The following ARHGAP27 variants were observed in gnomAD, a reference collection of about 807,000 sequenced individuals.
ARHGAP27 encodes rho GTPase-activating protein 27.
A neutral mutation model predicts 102.0 loss-of-function variants in ARHGAP27; 53 were observed. The ratio of observed to expected loss-of-function variants is 0.52; its 90% CI spans 0.42 to 0.65. The LOEUF (loss-of-function observed/expected upper bound fraction) is 0.65. ARHGAP27 is among the 30% of genes least tolerant of loss of function. The pLI is 0.00. For missense variants in ARHGAP27, 1,117 were observed against 1,256.2 expected, an observed-to-expected ratio of 0.89 and a Z score of 1.68; for synonymous variants, 525 against 542.8, an observed-to-expected ratio of 0.97 and a Z score of 0.46.
intron 4 of ARHGAP27, among the ~76,000 whole-genome samples, chr17:45,410,678 G>A (rs1025242793): frequency 2.3e-4 from 35 of 152,084 alleles, no homozygotes; most frequent in African/African-American, 7.7e-4. Context: ...GGGGAGGGGC[G>A]CGCTTGCACA....
intron 4 of ARHGAP27, among the ~76,000 whole-genome samples, chr17:45,428,302 C>T (rs148005021): frequency 1.0e-3 from 157 of 152,378 alleles, no homozygotes; most frequent in African/African-American, 3.4e-3. Flanking sequence ...CAAACCAGGA[C>T]TACCCAGACA....
intron 4 of ARHGAP27, among the ~76,000 whole-genome samples, chr17:45,421,894 A>T (rs2049067176): frequency 1.3e-5 from 2 of 152,236 alleles, no homozygotes; most frequent in Non-Finnish European, 2.9e-5. Context: ...GGCTGGGTGC[A>T]GTGCCTCATA....
chr17:45,410,398 G>C, intron 4 of ARHGAP27: 1 of 1,364,910 alleles, frequency 7.3e-7, no homozygotes, highest in Non-Finnish European at 9.4e-7. Context: ...AGAAGTTGCC[G>C]AGATGGCGGG....
Position 45,405,074 on chromosome 17 carries a change from C to T in ARHGAP27, c.1098G>A (p.Ser366=), listed in dbSNP as rs1159626898. Residue 366 remains serine, a synonymous_variant, in exon 6 of 20, where the codon TCG becomes TCA. Transcript: ENST00000685559. The part of the protein sequence containing the change: ...PPTPETDYPE[S]LTSYPEEDYS... ...AGTCCTCCTCGGGGTAACTGGTCAGCGACTCGGGGTAGTCCGTCTCGGGAG... is the reference window on the plus strand; with the variant it reads ...AGTCCTCCTCGGGGTAACTGGTCAGTGACTCGGGGTAGTCCGTCTCGGGAG... 1 of 1,602,012 alleles carries T rather than the reference C, an allele frequency of 6.2e-7. No individual in the cohort carries two copies. The highest frequency in any genetic ancestry group is 8.5e-7 in the Non-Finnish European group (1 of 1,172,954).
Position 45,396,245 on chromosome 17 carries a change from A to C in ARHGAP27, c.2213T>G (p.Leu738Arg), listed in dbSNP as rs1251058167. Residue 738 changes from leucine (L) to arginine (R), a missense_variant, in exon 17 of 20, where the codon CTG becomes CGG. Coordinates refer to ENST00000685559, the MANE Select transcript of ARHGAP27 (RefSeq NM_001282290.2). ...ATAGCGTAGCTTCTGGATGGTGGCC[A>C]GGTTTCCACTGATGCGGTACAGCCC... ...IDGLYRISGNLATIQKLRYKV... is the reference protein window; with the variant it reads ...IDGLYRISGNRATIQKLRYKV... 6.2e-7 allele frequency: 1 copy of C among 1,613,508 alleles called. No homozygotes were observed. Among genetic ancestry groups the C allele is most frequent in the African/African-American group, 1.3e-5 (1 of 74,912 alleles).
rs149231279 is a variant in ARHGAP27 at position 45,412,806 on chromosome 17, A to G, written c.658-6723T>C. 3.9e-4 allele frequency among the ~76,000 whole-genome samples: 59 copies of G among 152,196 alleles called. No individual in the cohort carries two copies. The East Asian group carries it at 0.011, about 27-fold the overall frequency. On this transcript the variant is annotated intron_variant, in intron 4 of 19. Coordinates refer to ENST00000685559, the MANE Select transcript of ARHGAP27 (RefSeq NM_001282290.2). ...GTGACCCCACAGGATCCTGGGCCTCAGGCCTCAGTAGGCTTTGGGGAACTG... is the reference window on the plus strand; with the variant it reads ...GTGACCCCACAGGATCCTGGGCCTCGGGCCTCAGTAGGCTTTGGGGAACTG...
chr17:45,422,492 G>A (rs979650439), intron 4 of ARHGAP27, among the ~76,000 whole-genome samples: 5 of 152,020 alleles, frequency 3.3e-5, no homozygotes, highest in African/African-American at 4.8e-5. Context: ...GGAAATAAAA[G>A]AATGCTAAGC....
At chr17:45,432,020 C>G (rs1213761143) in intron 2 of ARHGAP27, among the ~76,000 whole-genome samples, 196 bp downstream of exon 2, 1 of 148,374 alleles carries the variant, frequency 6.7e-6, no homozygotes, top group East Asian at 2.0e-4. Context: ...CCCCCCACCC[C>G]CCACCCCCCG....
intron 12 of ARHGAP27, among the ~76,000 whole-genome samples, chr17:45,400,548 G>A (rs2046318766): frequency 6.6e-6 from 1 of 152,192 alleles, no homozygotes; most frequent in Non-Finnish European, 1.5e-5. Context: ...GTCCATCAGT[G>A]ATGATCTTCA....
Position 45,395,737 on chromosome 17 carries a change from G to A in ARHGAP27, c.2492+7C>T, listed in dbSNP as rs2905455. ...CTCCCCCTTCCCGCGCGGGCCGCCC[G>A]GCTCACCGGCAGAGGTGCTGGAAGA... On this transcript the variant is annotated splice_region_variant and intron_variant, in intron 19 of 19. Transcript: ENST00000685559. 200 of 1,586,756 alleles carry A rather than the reference G, an allele frequency of 1.3e-4. 1 individual carries two copies. In the African/African-American group the frequency reaches 2.0e-3, roughly 16 times the overall value.
At chr17:45,397,232 A>C in intron 13 of ARHGAP27, 1 of 1,423,032 alleles carries the variant, frequency 7.0e-7, no homozygotes, top group Non-Finnish European at 9.2e-7. Context: ...TGGAGCCCTT[A>C]AGGTGCAGAG....
At chr17:45,406,328 C>A (rs1399849700) in intron 4 of ARHGAP27, among the ~76,000 whole-genome samples, 1 of 152,166 alleles carries the variant, frequency 6.6e-6, no homozygotes, top group Non-Finnish European at 1.5e-5. Flanking sequence ...TTAGAAGTGG[C>A]CTCTTCTTGA....
At chr17:45,421,294 C>T (rs1378104593) in intron 4 of ARHGAP27, among the ~76,000 whole-genome samples, 1 of 151,060 alleles carries the variant, frequency 6.6e-6, no homozygotes, top group Non-Finnish European at 1.5e-5. Context: ...GCCTGGGCAA[C>T]AAGGTGAAAC....
chr17:45,399,416 C>T (rs1184294329), intron 12 of ARHGAP27, among the ~76,000 whole-genome samples: 1 of 151,976 alleles, frequency 6.6e-6, no homozygotes, highest in African/African-American at 2.4e-5. Context: ...CACAGTGAAA[C>T]CCTGCCACTA....
Position 45,395,736 on chromosome 17 carries a change from C to A in ARHGAP27, c.2492+8G>T, listed in dbSNP as rs1329805750. On this transcript the variant is annotated splice_region_variant and intron_variant, in intron 19 of 19. Coordinates refer to ENST00000685559, the MANE Select transcript of ARHGAP27 (RefSeq NM_001282290.2). Reference sequence around the variant, plus strand: ...CCTCCCCCTTCCCGCGCGGGCCGCCCGGCTCACCGGCAGAGGTGCTGGAAG... The same window carrying A: ...CCTCCCCCTTCCCGCGCGGGCCGCCAGGCTCACCGGCAGAGGTGCTGGAAG... 8 of 1,585,102 alleles carry A rather than the reference C, an allele frequency of 5.0e-6. No homozygotes were observed. Among genetic ancestry groups the A allele is most frequent in the East Asian group, 2.3e-5 (1 of 43,388 alleles).
In ARHGAP27 at chr17:45,410,098, G is replaced by A. The variant is rs533535693; in HGVS notation, c.658-4015C>T. 1.3e-4 allele frequency: 147 copies of A among 1,168,238 alleles called. No homozygotes were observed. In the African/African-American group the frequency reaches 1.5e-3, roughly 12 times the overall value. 72.4% of individuals were successfully genotyped at this position (1,168,238 alleles called of 1,614,324 possible). A position where few individuals can be genotyped will look rare whatever the true frequency, so the allele number is the denominator to read the frequency against. On this transcript the variant is annotated intron_variant, in intron 4 of 19. Transcript: ENST00000685559. Reference sequence around the variant, plus strand: ...CACCTCTTGGATGGGCAGGGCCTCCGAGAAGGAAAGAGAAAAGGAAGTATG... The same window carrying A: ...CACCTCTTGGATGGGCAGGGCCTCCAAGAAGGAAAGAGAAAAGGAAGTATG...
chr17:45,398,126 C>T (rs1356480405), intron 12 of ARHGAP27, 79 bp from the exon 13 acceptor site: 6 of 1,248,654 alleles, frequency 4.8e-6, no homozygotes, highest in Non-Finnish European at 6.7e-6. Flanking sequence ...GGGGTAGGTA[C>T]AGAGATAGAG....
chr17:45,403,792 A>G (rs1040217469), intron 10 of ARHGAP27, 83 bp from the exon 11 acceptor site: 6 of 1,257,504 alleles, frequency 4.8e-6, no homozygotes, highest in Non-Finnish European at 6.8e-6. Context: ...GGAACAAGTC[A>G]GAGCTTAGGA....
At chr17:45,426,713 G>A (rs2049642188) in intron 4 of ARHGAP27, among the ~76,000 whole-genome samples, 1 of 151,898 alleles carries the variant, frequency 6.6e-6, no homozygotes, top group South Asian at 2.1e-4. Context: ...CCTGGGGACG[G>A]TTCCATCCAT....
Sources: gnomAD v4.1 joint callset for allele counts (sites outside exome capture counted in the v4.1 genomes callset) on GRCh38, gnomAD v4.1.1 for gene constraint, MANE v1.5 for transcripts, NCBI Gene and HGNC (gene_info 2026-07-23, HGNC 2026-07-21) for gene names.